Variants in USP25 observed in about 807,000 individuals in gnomAD.
USP25 encodes the protein ubiquitin specific peptidase 25.
In USP25, 85 loss-of-function variants were observed where a neutral mutation model predicts 158.5. The observed-to-expected ratio is 0.54, with a 90% CI of 0.45 to 0.64. USP25 has a LOEUF of 0.64. Ranked by LOEUF, USP25 falls within the 30% of genes least tolerant of loss-of-function variation. USP25 has a pLI of 0.00. For missense variants in USP25, 1,242 were observed against 1,327.3 expected (o/e 0.94, Z 1.00); for synonymous variants, 464 against 460.4 (o/e 1.01, Z -0.10).
At chr21:15,870,841 T>C (rs1193987753) in intron 23 of USP25, among the ~76,000 whole-genome samples, 1 of 152,176 alleles carries the variant, frequency 6.6e-6, no homozygotes, top group Non-Finnish European at 1.5e-5. Flanking sequence ...AAGCTCCCAC[T>C]TAGGTAATGA....
chr21:15,734,695 A>G (rs778404549), intron 1 of USP25, among the ~76,000 whole-genome samples: 6 of 152,306 alleles, frequency 3.9e-5, no homozygotes, highest in African/African-American at 1.4e-4. Context: ...ACAGAATGCT[A>G]CTACAATTTA....
chr21:15,740,197 G>A (rs2031903496), intron 1 of USP25, among the ~76,000 whole-genome samples: 1 of 152,208 alleles, frequency 6.6e-6, no homozygotes, highest in South Asian at 2.1e-4. Context: ...GATGTTGAGG[G>A]TTGGGCTAAA....
intron 10 of USP25, among the ~76,000 whole-genome samples, chr21:15,821,643 A>G (rs952836487): frequency 3.3e-5 from 5 of 152,010 alleles, no homozygotes; most frequent in Admixed American, 3.3e-4. Flanking sequence ...CAAAGGGCAA[A>G]TGAGTCAAGG....
intron 1 of USP25, among the ~76,000 whole-genome samples, chr21:15,753,738 A>G (rs2123334735): frequency 6.6e-6 from 1 of 152,208 alleles, no homozygotes; most frequent in African/African-American, 2.4e-5. Flanking sequence ...TACCTTTCTA[A>G]GTTCTTTGGC....
chr21:15,830,485 G>C, intron 14 of USP25, 46 bp from the exon 15 acceptor site: 1 of 1,514,938 alleles, frequency 6.6e-7, no homozygotes, highest in South Asian at 1.2e-5. Context: ...CTTATAAGTA[G>C]AAACACATTT....
intron 2 of USP25, 115 bp downstream of exon 2, chr21:15,763,083 C>T (rs2033830837): frequency 1.1e-6 from 1 of 896,020 alleles, no homozygotes; most frequent in South Asian, 2.6e-5. Flanking sequence ...TTTAGAGATA[C>T]AGGAATGGAC....
intron 5 of USP25, among the ~76,000 whole-genome samples, chr21:15,795,072 C>T (rs1202040617): frequency 2.0e-5 from 3 of 151,532 alleles, no homozygotes; most frequent in African/African-American, 7.3e-5. Flanking sequence ...GCTTCCTAGT[C>T]CTGCCCCTTG....
chr21:15,831,776 G>T, intron 16 of USP25, 147 bp downstream of exon 16: 1 of 709,942 alleles, frequency 1.4e-6, no homozygotes, highest in South Asian at 1.7e-5. Context: ...GAATTGAAAA[G>T]TAATGTCGTC....
intron 4 of USP25, among the ~76,000 whole-genome samples, chr21:15,782,054 G>C (rs76382908): frequency 0.075 from 11,487 of 152,272 alleles, 501 homozygotes; most frequent in East Asian, 0.093. Context: ...TAATACCTTG[G>C]CTACTTGGAG....
chr21:15,807,772 T>A (rs1011410199), intron 7 of USP25, among the ~76,000 whole-genome samples: 1 of 152,230 alleles, frequency 6.6e-6, no homozygotes, highest in African/African-American at 2.4e-5. Context: ...GATCCTTACC[T>A]TAATTATATT....
chr21:15,812,246 A>T (rs575869607), intron 9 of USP25, among the ~76,000 whole-genome samples: 9 of 152,104 alleles, frequency 5.9e-5, no homozygotes, highest in Non-Finnish European at 1.3e-4. Context: ...ACACTATCTG[A>T]TGCAGCGAGT....
chr21:15,871,167 TTTAC>T (rs1267620920), intron 23 of USP25, among the ~76,000 whole-genome samples: 4 of 152,192 alleles, frequency 2.6e-5, no homozygotes, highest in South Asian at 4.1e-4. Context: ...AAATTAATGT[TTTAC>T]TTAACAATTT....
intron 17 of USP25, among the ~76,000 whole-genome samples, chr21:15,834,644 G>T (rs1412690087): frequency 6.6e-6 from 1 of 152,148 alleles, no homozygotes; most frequent in Non-Finnish European, 1.5e-5. Flanking sequence ...ACTGTCGCAG[G>T]CATGCACAAA....
intron 16 of USP25, among the ~76,000 whole-genome samples, chr21:15,832,754 T>C (rs542133295): frequency 1.4e-3 from 207 of 151,674 alleles, no homozygotes; most frequent in African/African-American, 4.1e-3. Flanking sequence ...CGCGGTGGCT[T>C]ATGCCTGTAA....
intron 24 of USP25, 81 bp from the exon 25 acceptor site, chr21:15,877,715 C>T (rs2040152550): frequency 5.0e-6 from 5 of 998,852 alleles, no homozygotes; most frequent in Non-Finnish European, 7.4e-6. Flanking sequence ...TTTATGTTGT[C>T]TTCCTTATTA....
chr21:15,767,118 G>A (rs1000273779), intron 3 of USP25, among the ~76,000 whole-genome samples: 1 of 151,994 alleles, frequency 6.6e-6, no homozygotes, highest in Admixed American at 6.6e-5. Context: ...TTTACTTAAC[G>A]TCTAAGTTCA....
chr21:15,849,215 A>C (rs1201288985), intron 19 of USP25, among the ~76,000 whole-genome samples: 1 of 152,162 alleles, frequency 6.6e-6, no homozygotes, highest in African/African-American at 2.4e-5. Context: ...GCAAGTGCTT[A>C]TGTGACAGAG....
rs188201243 is a variant in USP25 at position 15,864,722 on chromosome 21, C to T, written c.2726+276C>T. Reference sequence around the variant, plus strand: ...TCAATATTTTAGAAACAAAAATGGGCTTCTCAACCTCTGTACTATATAGAC... The same window carrying T: ...TCAATATTTTAGAAACAAAAATGGGTTTCTCAACCTCTGTACTATATAGAC... On this transcript the variant is annotated intron_variant, in intron 21 of 25. Coordinates refer to ENST00000400183, the MANE Select transcript of USP25 (RefSeq NM_001283041.3). 6.0e-4 allele frequency among the ~76,000 whole-genome samples: 91 copies of T among 152,206 alleles called. 4 individuals carry two copies. In the East Asian group the frequency reaches 9.7e-3, roughly 16 times the overall value.
chr21:15,878,398 T>C lies in USP25; in HGVS notation c.3301T>C (p.Tyr1101His). The part of the protein sequence containing the change: ...SFHEPPKLPS[Y>H]STHELCERFA... ...CCATGAGCCACCGAAGTTACCTTCA[T>C]ATTCCACGCATGAACTCTGTGAGCG... The change falls in exon 26 of 26, where the codon TAT becomes CAT. Residue 1101 changes from tyrosine (Y) to histidine (H), a missense_variant. Tyr to His is a moderately conservative substitution (Grantham distance 83). Around this residue, in one of 3 missense-constraint regions of USP25, gnomAD observed 608 missense variants for 605.2 expected, o/e 1.00. Coordinates refer to ENST00000400183, the MANE Select transcript of USP25 (RefSeq NM_001283041.3). 1 of 1,614,122 alleles carries C rather than the reference T, an allele frequency of 6.2e-7. No individual in the cohort carries two copies. The highest frequency in any genetic ancestry group is 1.1e-5 in the South Asian group (1 of 91,074).
Sources: gnomAD v4.1 joint callset for allele counts (sites outside exome capture counted in the v4.1 genomes callset) on GRCh38, gnomAD v4.1.1 for gene constraint, gnomAD v4.1.1 regional missense constraint, MANE v1.5 for transcripts, NCBI Gene and HGNC (gene_info 2026-07-23, HGNC 2026-07-21) for gene names.